The following GLOD4 variants were observed in gnomAD, a reference collection of about 807,000 sequenced individuals.
The protein encoded by GLOD4 is glyoxalase domain containing 4, also known as glyoxalase domain-containing protein 4.
In GLOD4, 44 loss-of-function variants were observed where a neutral mutation model predicts 39.1. That is an observed-to-expected ratio of 1.13 (90% CI 0.88 to 1.45). The LOEUF (loss-of-function observed/expected upper bound fraction) is 1.45. GLOD4 is among the 40% of genes most tolerant of loss of function. GLOD4 has a pLI of 0.00. For synonymous variants in GLOD4, 145 were observed against 135.0 expected (o/e 1.07, Z -0.52); for missense variants, 405 against 366.4 (o/e 1.11, Z -0.86).
intron 8 of GLOD4, among the ~76,000 whole-genome samples, chr17:768,603 G>A (rs1311138775): frequency 7.6e-6 from 1 of 131,806 alleles, no homozygotes; most frequent in Non-Finnish European, 1.6e-5. Flanking sequence ...AGTCTGGAGA[G>A]GACGTGAGAG....
At chr17:784,870 C>T (rs1910461097), upstream of GLOD4, among the ~76,000 whole-genome samples, 1 of 151,566 alleles carries the variant, frequency 6.6e-6, no homozygotes, top group African/African-American at 2.4e-5. Flanking sequence ...GAAGTGGAGG[C>T]TCTCTCACAG....
At chr17:772,201 A>C (rs942437284) in intron 4 of GLOD4, among the ~76,000 whole-genome samples, 1 of 151,022 alleles carries the variant, frequency 6.6e-6, no homozygotes, top group African/African-American at 2.4e-5. Context: ...AAAAAAAAAA[A>C]AAAAAAAACA....
At chr17:777,870 T>C (rs1332399012) in intron 2 of GLOD4, among the ~76,000 whole-genome samples, 3 of 152,158 alleles carry the variant, frequency 2.0e-5, no homozygotes, top group African/African-American at 7.2e-5. Flanking sequence ...GGCCTCTACA[T>C]AGACTCAGGA....
At chr17:781,787 A>G (rs1261307951) in intron 1 of GLOD4, 1 of 211,216 alleles carries the variant, frequency 4.7e-6, no homozygotes, top group African/African-American at 2.3e-5. Context: ...GAATACGCTG[A>G]TTTTATCTAC....
In GLOD4 at chr17:781,176, C is replaced by T. The variant is rs752924000; in HGVS notation, c.90+990G>A. 7.6e-4 allele frequency among the ~76,000 whole-genome samples: 116 copies of T among 152,192 alleles called. 2 individuals carry two copies. The highest frequency in any genetic ancestry group is 1.5e-3 in the Non-Finnish European group (105 of 68,036). On this transcript the variant is annotated intron_variant, in intron 1 of 8. Transcript: ENST00000301329. The stretch of plus-strand genomic sequence containing the variant: ...CCTCCAGTGATCCACCCGCCTTGGC[C>T]TCCCAAAGTGCTGAGATTACAGGCG...
upstream of GLOD4, among the ~76,000 whole-genome samples, chr17:785,709 A>G (rs1029842154): frequency 1.3e-5 from 2 of 152,250 alleles, no homozygotes; most frequent in Non-Finnish European, 2.9e-5. Context: ...GCGTATTTGA[A>G]AAAGGGGTTG....
chr17:782,701 G>A, upstream of GLOD4: 3 of 1,586,460 alleles, frequency 1.9e-6, no homozygotes, highest in Non-Finnish European at 2.6e-6. Flanking sequence ...AGGTGATGTG[G>A]TTCTTGAGCC....
At position 776,896 on chromosome 17, in the gene GLOD4, C is replaced by G. The variant is rs776319223; in HGVS notation, c.233G>C (p.Gly78Ala). Residue 78 changes from glycine (G) to alanine (A), a missense_variant, in exon 3 of 9, where the codon GGA becomes GCA. Physicochemically the swap from Gly to Ala is moderately conservative, Grantham distance 60 (BLOSUM62 0). Coordinates refer to ENST00000301329, the MANE Select transcript of GLOD4 (RefSeq NM_016080.4). ...AAAGTCATTGCCAAGCTTGTAGTCT[C>G]CGACGCCATAATTGTAAGTCAGTTC... ...VAELTYNYGVGDYKLGNDFMG... is the reference protein window; with the variant it reads ...VAELTYNYGVADYKLGNDFMG... 2.5e-6 allele frequency: 4 copies of G among 1,613,382 alleles called. No homozygotes were observed. Among genetic ancestry groups the G allele is most frequent in the Non-Finnish European group, 2.5e-6 (3 of 1,179,266 alleles).
At chr17:779,881 T>C (rs948670664) in intron 1 of GLOD4, among the ~76,000 whole-genome samples, 5 of 151,572 alleles carry the variant, frequency 3.3e-5, no homozygotes, top group African/African-American at 1.2e-4. Context: ...ATCATCCTTA[T>C]TGGCCGGGCG....
At chr17:768,650 A>C (rs1313313362) in intron 8 of GLOD4, among the ~76,000 whole-genome samples, 7 of 137,420 alleles carry the variant, frequency 5.1e-5, no homozygotes, top group Non-Finnish European at 9.4e-5. Context: ...TAGAAGAAGA[A>C]ATCTGGAGAG....
intron 8 of GLOD4, among the ~76,000 whole-genome samples, chr17:761,327 C>T (rs923745709): frequency 2.0e-5 from 3 of 151,758 alleles, no homozygotes; most frequent in African/African-American, 4.9e-5. Context: ...AGAGTTGGAC[C>T]GTTTCATTTC....
At chr17:781,750 G>C (rs1467400313) in intron 1 of GLOD4, 1 of 179,806 alleles carries the variant, frequency 5.6e-6, no homozygotes, top group Admixed American at 5.7e-5. Flanking sequence ...GGACTATTCA[G>C]ACCAGCCTTG....
chr17:760,256 A>C lies in GLOD4; in HGVS notation c.832-18T>G. The C allele has an allele frequency of 7.2e-7, 1 of 1,392,814 alleles. No homozygotes were observed. Among genetic ancestry groups the C allele is most frequent in the Non-Finnish European group, 1.0e-6 (1 of 977,542 alleles). 86.3% of individuals were successfully genotyped at this position (1,392,814 alleles called of 1,614,324 possible). On this transcript the variant is annotated intron_variant, in intron 8 of 8. Transcript: ENST00000301329. ...GCCATTGCCTGTAAAATAGAAATAG[A>C]ATATACACTGACTCCAAGCCTGAAA...
intron 8 of GLOD4, among the ~76,000 whole-genome samples, chr17:767,120 T>A (rs1271719540): frequency 2.0e-5 from 3 of 152,226 alleles, no homozygotes; most frequent in South Asian, 2.1e-4. Flanking sequence ...ATGAGATAGA[T>A]CCTCTTATTT....
chr17:762,293 C>G (rs1187077111), intron 8 of GLOD4, among the ~76,000 whole-genome samples: 4 of 152,362 alleles, frequency 2.6e-5, no homozygotes, highest in African/African-American at 9.6e-5. Flanking sequence ...AACACCAAAA[C>G]TGGCTCTGAG....
chr17:760,691 G>A (rs190029732), intron 8 of GLOD4, among the ~76,000 whole-genome samples: 6 of 152,334 alleles, frequency 3.9e-5, no homozygotes, highest in African/African-American at 1.2e-4. Context: ...GAAACTCTAC[G>A]TGATGTTTTA....
intron 8 of GLOD4, among the ~76,000 whole-genome samples, chr17:769,181 G>C (rs143030142): frequency 6.6e-6 from 1 of 151,856 alleles, no homozygotes; most frequent in East Asian, 1.9e-4. Context: ...TGAGGGGAAC[G>C]GATGGAGGCA....
At chr17:761,911 G>C (rs1305725664) in intron 8 of GLOD4, among the ~76,000 whole-genome samples, 3 of 152,236 alleles carry the variant, frequency 2.0e-5, no homozygotes, top group Non-Finnish European at 4.4e-5. Context: ...AACCAGTTCA[G>C]TGGGACTGGA....
chr17:779,125 G>C (rs1909425697), intron 1 of GLOD4, among the ~76,000 whole-genome samples: 1 of 151,954 alleles, frequency 6.6e-6, no homozygotes, highest in South Asian at 2.1e-4. Context: ...GATCAACCTG[G>C]CAAACATAGT....
Sources: gnomAD v4.1 joint callset for allele counts (sites outside exome capture counted in the v4.1 genomes callset) on GRCh38, gnomAD v4.1.1 for gene constraint, MANE v1.5 for transcripts, NCBI Gene and HGNC (gene_info 2026-07-23, HGNC 2026-07-21) for gene names.